Variants in PKD2L1 observed in about 807,000 individuals in gnomAD.
PKD2L1 encodes polycystin 2 like 1, transient receptor potential cation channel, also known as polycystin-2-like protein 1.
PKD2L1 carries 77 observed loss-of-function variants against 93.0 expected under a neutral mutation model. That is an observed-to-expected ratio of 0.83 (90% confidence interval 0.69 to 1.00). The LOEUF is 1.00. PKD2L1 is among the 50% of genes least tolerant of loss of function. The pLI, the probability that PKD2L1 is intolerant of heterozygous loss-of-function variation, is 0.00. For synonymous variants in PKD2L1, 390 were observed against 388.0 expected, an observed-to-expected ratio of 1.01 and a Z score of -0.06; for missense variants, 977 against 990.9, an observed-to-expected ratio of 0.99 and a Z score of 0.19.
intron 2 of PKD2L1, among the ~76,000 whole-genome samples, chr10:100,303,191 G>GTTTTTTTTTTTTTTTTT (rs146131470): frequency 7.8e-6 from 1 of 128,978 alleles, no homozygotes. Flanking sequence ...ACATCAAACT[G>GTTTTTTTTTTTTTTTTT]TTTTTTTGTT....
chr10:100,291,588 A>C (rs566114415), intron 11 of PKD2L1, among the ~76,000 whole-genome samples, 161 bp from the exon 12 acceptor site: 4 of 152,274 alleles, frequency 2.6e-5, no homozygotes, highest in African/African-American at 9.6e-5. Flanking sequence ...CACTCAGTTC[A>C]GTTCAGTTTC....
chr10:100,304,170 A>C (rs1848746919), intron 2 of PKD2L1, among the ~76,000 whole-genome samples: 1 of 152,156 alleles, frequency 6.6e-6, no homozygotes, highest in Non-Finnish European at 1.5e-5. Context: ...CAACCTTAAA[A>C]ATTTTCTAAA....
intron 8 of PKD2L1, 96 bp from the exon 9 acceptor site, chr10:100,294,751 C>A: frequency 6.5e-7 from 1 of 1,531,862 alleles, no homozygotes; most frequent in Non-Finnish European, 9.0e-7. Context: ...ACGTTCACCC[C>A]AATCTGATAG....
At chr10:100,313,116 G>A (rs1848970443) in intron 2 of PKD2L1, among the ~76,000 whole-genome samples, 1 of 152,170 alleles carries the variant, frequency 6.6e-6, no homozygotes, top group African/African-American at 2.4e-5. Flanking sequence ...GGTTACAGAG[G>A]AAGAGTTGCA....
At chr10:100,314,615 T>C (rs1487084350) in intron 2 of PKD2L1, among the ~76,000 whole-genome samples, 4 of 152,182 alleles carry the variant, frequency 2.6e-5, no homozygotes, top group African/African-American at 9.7e-5. Flanking sequence ...CTATACTACA[T>C]TTATCACAAT....
intron 2 of PKD2L1, among the ~76,000 whole-genome samples, chr10:100,317,961 T>C (rs1849137575): frequency 6.6e-6 from 1 of 151,974 alleles, no homozygotes; most frequent in African/African-American, 2.4e-5. Context: ...GTACCTGTAA[T>C]CCCAGCTACT....
At chr10:100,290,651 C>A in intron 12 of PKD2L1, 132 bp from the exon 13 acceptor site, 1 of 629,742 alleles carries the variant, frequency 1.6e-6, no homozygotes, top group South Asian at 1.9e-5. Context: ...CCCTTCCCTC[C>A]CAGACTCTGG....
intron 2 of PKD2L1, among the ~76,000 whole-genome samples, chr10:100,324,048 G>T (rs140582521): frequency 6.6e-6 from 1 of 152,082 alleles, no homozygotes; most frequent in East Asian, 1.9e-4. Flanking sequence ...GGCTGGTCTC[G>T]AACTCCTGGC....
intron 15 of PKD2L1, 67 bp downstream of exon 15, chr10:100,288,905 G>C: frequency 7.0e-6 from 7 of 993,488 alleles, no homozygotes; most frequent in Non-Finnish European, 1.1e-5. Flanking sequence ...GGGATGTGGC[G>C]AGGGGGCCTG....
At chr10:100,289,988 A>AG in intron 14 of PKD2L1, 27 bp downstream of exon 14, 1 of 1,613,772 alleles carries the variant, frequency 6.2e-7, no homozygotes, top group African/African-American at 1.3e-5. Flanking sequence ...GTGAGGAACT[A>AG]GGAGGACCAG....
Position 100,291,382 on chromosome 10 carries a change from G to A in PKD2L1, c.1926C>T (p.Phe642=), listed in dbSNP as rs754061744. The change falls in exon 12 of 16, where the codon TTC becomes TTT. Residue 642 remains phenylalanine (F), a synonymous_variant. Transcript: ENST00000318222. ...EHEITELTAT[F]TKFDRDGNRI... is the part of the protein sequence containing the mutation. ...GATTCCCATCTCTGTCAAACTTGGT[G>A]AAGGTGGCCGTGAGCTCAGTGATTT... 1.2e-6 allele frequency: 2 copies of A among 1,614,042 alleles called. No homozygotes were observed. The highest frequency in any genetic ancestry group is 1.7e-6 in the Non-Finnish European group (2 of 1,179,936).
At chr10:100,296,750 C>T (rs942336123) in intron 6 of PKD2L1, among the ~76,000 whole-genome samples, 6 of 148,144 alleles carry the variant, frequency 4.1e-5, no homozygotes, top group African/African-American at 1.5e-4. Flanking sequence ...AAAAAAAAAA[C>T]ACAGGGCTCA....
chr10:100,294,956 A>G lies in PKD2L1; in HGVS notation c.1524T>C (p.Thr508=). 2.5e-6 allele frequency: 4 copies of G among 1,613,752 alleles called. No individual in the cohort carries two copies. Among genetic ancestry groups the G allele is most frequent in the African/African-American group, 2.7e-5 (2 of 75,050 alleles). The part of the protein sequence containing the change: ...LFGTQVENFS[T]FIKCIFTQFR... ...AGGACACACACATGCACTTGATGAA[A>G]GTGCTAAAGTTTTCCACTTGGGTCC... Residue 508 remains threonine, a synonymous_variant, in exon 8 of 16, where the codon ACT becomes ACC. Transcript: ENST00000318222.
chr10:100,321,778 G>GAAAGAAAA (rs1849252448), intron 2 of PKD2L1, among the ~76,000 whole-genome samples: 1 of 5,238 alleles, frequency 1.9e-4, no homozygotes, highest in African/African-American at 9.0e-4. Context: ...GAGGGAGGGA[G>GAAAGAAAA]GGAGGGAGGG....
Position 100,292,994 on chromosome 10 carries a change from C to A in PKD2L1, c.1834G>T (p.Gly612Trp), listed in dbSNP as rs1170832777. Residue 612 changes from glycine to tryptophan, a missense_variant, in exon 11 of 16, where the codon GGG becomes TGG. Transcript: ENST00000318222. ...TCCTCAAACTGGATCTCCTGCTCCC[C>A]ACCCTGCAGGACCTTCTGCACATCC... ...VSDVQKVLQG[G>W]EQEIQFEDFT... The A allele has an allele frequency of 6.2e-7, 1 of 1,614,016 alleles. No homozygotes were observed. Among genetic ancestry groups the A allele is most frequent in the African/African-American group, 1.3e-5 (1 of 75,038 alleles).
intron 7 of PKD2L1, among the ~76,000 whole-genome samples, chr10:100,295,825 TG>T (rs1275477208): frequency 6.9e-6 from 1 of 145,946 alleles, no homozygotes; most frequent in Non-Finnish European, 1.5e-5. Flanking sequence ...CACCTGAGGT[TG>T]GGAGTTCGAG....
In PKD2L1 at chr10:100,289,059, G is replaced by T. The variant is rs754322666; in HGVS notation, c.2251-3C>A. On this transcript the variant is annotated splice_polypyrimidine_tract_variant and splice_region_variant and intron_variant, in intron 14 of 15. Transcript: ENST00000318222. Reference sequence around the variant, plus strand: ...TGCTTCCAAATAGCTTGTTCCTTCTGTTGGAAGAAGAAAGGGACAAATCAT... The same window carrying T: ...TGCTTCCAAATAGCTTGTTCCTTCTTTTGGAAGAAGAAAGGGACAAATCAT... The T allele has an allele frequency of 6.2e-7, 1 of 1,606,752 alleles. No homozygotes were observed. The highest frequency in any genetic ancestry group is 1.1e-5 in the South Asian group (1 of 90,742).
At chr10:100,289,337 C>G (rs1343520538) in intron 14 of PKD2L1, among the ~76,000 whole-genome samples, 2 of 152,074 alleles carry the variant, frequency 1.3e-5, no homozygotes, top group African/African-American at 4.8e-5. Context: ...GTCAGGAGTT[C>G]GAGACCAGCC....
At chr10:100,292,828 G>A in intron 11 of PKD2L1, 120 bp downstream of exon 11, 4 of 1,021,670 alleles carry the variant, frequency 3.9e-6, no homozygotes, top group Non-Finnish European at 5.7e-6. Flanking sequence ...TCTGAAGCCT[G>A]CAAGTCAAGA....
Sources: allele counts gnomAD v4.1 joint callset (sites outside exome capture counted in the v4.1 genomes callset), GRCh38; gene constraint gnomAD v4.1.1; transcripts MANE v1.5; gene names NCBI Gene and HGNC (gene_info 2026-07-23, HGNC 2026-07-21).